CAPN9: variants seen among roughly 807,000 people sequenced by gnomAD.
CAPN9 encodes the protein calpain 9.
Under a neutral mutation model 92.8 loss-of-function variants are expected in CAPN9, and 81 were observed. The observed-to-expected ratio is 0.87, with a 90% confidence interval of 0.73 to 1.05. The LOEUF (loss-of-function observed/expected upper bound fraction) is 1.05, where lower values mean the gene tolerates loss of function less well. Ranked by LOEUF, CAPN9 falls within the 50% of genes least tolerant of loss-of-function variation. The probability of loss-of-function intolerance (pLI) is 0.00; values close to 1 mark genes in which losing one functional copy is unlikely to be tolerated. For synonymous variants in CAPN9, 304 were observed against 328.0 expected, an observed-to-expected ratio of 0.93 and a Z score of 0.79; for missense variants, 848 against 866.2, an observed-to-expected ratio of 0.98 and a Z score of 0.26.
chr1:230,754,250 C>A (rs535829301), intron 1 of CAPN9, among the ~76,000 whole-genome samples: 1 of 152,206 alleles, frequency 6.6e-6, no homozygotes, highest in Non-Finnish European at 1.5e-5. Flanking sequence ...AGCCCAGCAA[C>A]TCAAAGAGTG....
chr1:230,791,620 G>T (rs1314302374), intron 14 of CAPN9, among the ~76,000 whole-genome samples: 3 of 151,918 alleles, frequency 2.0e-5, no homozygotes, highest in Non-Finnish European at 4.4e-5. Context: ...TCTTTGCTCG[G>T]GGTTCTTAGA....
At position 230,759,543 on chromosome 1, in the gene CAPN9, C is replaced by T. The variant is rs574291648; in HGVS notation, c.315C>T (p.Ser105=). The T allele has an allele frequency of 6.2e-7, 1 of 1,611,698 alleles. No homozygotes were observed. The highest frequency in any genetic ancestry group is 1.3e-5 in the African/African-American group (1 of 74,792). Residue 105 remains serine (S), a synonymous_variant, in exon 3 of 20, where the codon TCC becomes TCT. Transcript: ENST00000271971. ...GDCWLLAAIA[S]LTLNQKALAR... ...GCTGGCTATTAGCCGCCATCGCCTC[C>T]CTTACGCTTAATCAAAAAGCACTGG...
At chr1:230,757,056 G>A (rs1248246249) in intron 2 of CAPN9, among the ~76,000 whole-genome samples, 6 of 83,522 alleles carry the variant, frequency 7.2e-5, no homozygotes, top group Non-Finnish European at 1.6e-4. Flanking sequence ...AAGGAAGGAA[G>A]GAAGGAAGGA....
chr1:230,771,384 CCAGGCAGAGCCTGAGGGCACA>C (rs1256596602), intron 6 of CAPN9, among the ~76,000 whole-genome samples: 1 of 152,262 alleles, frequency 6.6e-6, no homozygotes, highest in Non-Finnish European at 1.5e-5. Flanking sequence ...GTCCCTGCTC[CCAGGCAGAGCCTGAGGGCACA>C]CAGGCTCAAG....
intron 2 of CAPN9, among the ~76,000 whole-genome samples, chr1:230,759,092 T>G (rs1478434504): frequency 6.6e-6 from 1 of 152,198 alleles, no homozygotes; most frequent in East Asian, 1.9e-4. Context: ...GGGTTGGGGC[T>G]GCAGGGAGAT....
At chr1:230,749,789 G>T (rs977163302) in intron 1 of CAPN9, among the ~76,000 whole-genome samples, 8 of 152,176 alleles carry the variant, frequency 5.3e-5, no homozygotes, top group Non-Finnish European at 1.0e-4. Context: ...AAAGAGCCTG[G>T]TGTGTAAAGA....
intron 1 of CAPN9, among the ~76,000 whole-genome samples, chr1:230,753,026 G>A (rs932709021): frequency 6.6e-6 from 1 of 152,154 alleles, no homozygotes; most frequent in South Asian, 2.1e-4. Context: ...AAACTCCTGC[G>A]CTAGCCAAGG....
intron 19 of CAPN9, among the ~76,000 whole-genome samples, chr1:230,798,469 A>C (rs1270789452): frequency 6.6e-6 from 1 of 152,224 alleles, no homozygotes; most frequent in Non-Finnish European, 1.5e-5. Context: ...AGGCATAGAG[A>C]GATTAATCAC....
chr1:230,770,894 C>G (rs1015035974), intron 6 of CAPN9, among the ~76,000 whole-genome samples: 1 of 152,182 alleles, frequency 6.6e-6, no homozygotes, highest in South Asian at 2.1e-4. Flanking sequence ...GGAGACCCTG[C>G]CCTTCCTCCT....
At chr1:230,770,681 G>C (rs867753689) in intron 6 of CAPN9, among the ~76,000 whole-genome samples, 1 of 152,156 alleles carries the variant, frequency 6.6e-6, no homozygotes, top group Non-Finnish European at 1.5e-5. Flanking sequence ...AGAATTGAAT[G>C]AAAGAGGAGG....
chr1:230,784,258 C>T (rs865780924), intron 11 of CAPN9, among the ~76,000 whole-genome samples: 1 of 152,070 alleles, frequency 6.6e-6, no homozygotes, highest in Non-Finnish European at 1.5e-5. Context: ...AAAGCTTTTT[C>T]GAGAGAGGAA....
At chr1:230,771,193 C>G (rs1480088412) in intron 6 of CAPN9, among the ~76,000 whole-genome samples, 1 of 152,244 alleles carries the variant, frequency 6.6e-6, no homozygotes, top group African/African-American at 2.4e-5. Flanking sequence ...GAGCCACAAG[C>G]CACATCTTGG....
At chr1:230,752,224 C>A (rs1664890745) in intron 1 of CAPN9, among the ~76,000 whole-genome samples, 1 of 152,150 alleles carries the variant, frequency 6.6e-6, no homozygotes, top group Non-Finnish European at 1.5e-5. Flanking sequence ...CGTCAGCATA[C>A]ACACCACTCC....
chr1:230,774,402 C>T (rs544003047), intron 7 of CAPN9, 152 bp from the exon 8 acceptor site: 22 of 632,714 alleles, frequency 3.5e-5, no homozygotes, highest in East Asian at 5.5e-5. Context: ...GCTCACCTGC[C>T]GCTACATCCC....
chr1:230,755,235 A>G (rs1665148222), intron 1 of CAPN9, 102 bp from the exon 2 acceptor site: 8 of 890,760 alleles, frequency 9.0e-6, no homozygotes, highest in Non-Finnish European at 1.4e-5. Context: ...AAGCACAGGG[A>G]AAGCCCTCTG....
intron 3 of CAPN9, among the ~76,000 whole-genome samples, chr1:230,761,293 C>A (rs1263700130): frequency 6.6e-6 from 1 of 152,116 alleles, no homozygotes; most frequent in Non-Finnish European, 1.5e-5. Flanking sequence ...GGTGTGCGTG[C>A]TAGGAAGTTA....
intron 4 of CAPN9, 149 bp downstream of exon 4, chr1:230,762,935 G>A (rs546960012): frequency 1.4e-4 from 114 of 787,156 alleles, no homozygotes; most frequent in Middle Eastern, 3.4e-4. Flanking sequence ...GGGCTCAAGC[G>A]GGGTTGGAGG....
chr1:230,756,704 G>A (rs1221488106), intron 2 of CAPN9, among the ~76,000 whole-genome samples: 1 of 152,160 alleles, frequency 6.6e-6, no homozygotes, highest in Non-Finnish European at 1.5e-5. Flanking sequence ...GGGAGGCCGA[G>A]GCAGGAGAAT....
intron 18 of CAPN9, among the ~76,000 whole-genome samples, 187 bp from the exon 19 acceptor site, chr1:230,797,975 A>C (rs940190200): frequency 2.0e-5 from 3 of 152,128 alleles, no homozygotes; most frequent in Non-Finnish European, 4.4e-5. Flanking sequence ...CCATCCGTTC[A>C]GAGAAGTTCA....
Sources: gnomAD v4.1 joint callset for allele counts (sites outside exome capture counted in the v4.1 genomes callset) on GRCh38, gnomAD v4.1.1 for gene constraint, MANE v1.5 for transcripts, NCBI Gene and HGNC (gene_info 2026-07-23, HGNC 2026-07-21) for gene names.